The following PCDHGA4 variants were observed in gnomAD, a reference collection of about 807,000 sequenced individuals.
The protein encoded by PCDHGA4 is protocadherin gamma subfamily A, 4, also known as protocadherin gamma-A4.
A neutral mutation model predicts 54.6 loss-of-function variants in PCDHGA4; 38 were observed. That is an observed-to-expected ratio of 0.70 (90% CI 0.54 to 0.91). The LOEUF (loss-of-function observed/expected upper bound fraction) is 0.91. PCDHGA4 is among the 40% of genes least tolerant of loss of function. The pLI, the probability that PCDHGA4 is intolerant of heterozygous loss-of-function variation, is 0.00. For missense variants in PCDHGA4, 1,298 were observed against 1,220.9 expected (o/e 1.06, Z -0.94); for synonymous variants, 511 against 512.9 (o/e 1.00, Z 0.05).
intron 1 of PCDHGA4, among the ~76,000 whole-genome samples, chr5:141,359,300 T>C (rs1221692939): frequency 6.6e-6 from 1 of 152,140 alleles, no homozygotes; most frequent in Non-Finnish European, 1.5e-5. Context: ...GTGTCAAGCA[T>C]ATTCAGGTGT....
chr5:141,394,929 G>C, intron 1 of PCDHGA4: 4 of 1,613,762 alleles, frequency 2.5e-6, no homozygotes, highest in Non-Finnish European at 3.4e-6. Flanking sequence ...TGTCTTCCTC[G>C]CCTTTGTCGC....
chr5:141,404,908 C>T, intron 1 of PCDHGA4: 1 of 1,613,882 alleles, frequency 6.2e-7, no homozygotes, highest in Non-Finnish European at 8.5e-7. Context: ...ATGGCCAGCC[C>T]CCTCTCTCGG....
Position 141,432,909 on chromosome 5 carries a change from G to A in PCDHGA4, c.2515-61898G>A, listed in dbSNP as rs773372764. On this transcript the variant is annotated intron_variant, in intron 1 of 3. Coordinates refer to ENST00000571252, the MANE Select transcript of PCDHGA4 (RefSeq NM_018917.4). The surrounding 1 kb of genome is among the most constrained non-coding windows in gnomAD (Gnocchi z 6.0). ...ATCTTGCTGCTGGCGCTCAGGCTGCGGCGCTGGCACAAGTCACGCCTGCTG... is the reference window on the plus strand; with the variant it reads ...ATCTTGCTGCTGGCGCTCAGGCTGCAGCGCTGGCACAAGTCACGCCTGCTG... 9 of 1,614,038 alleles carry A rather than the reference G, an allele frequency of 5.6e-6. No homozygotes were observed. The highest frequency in any genetic ancestry group is 4.5e-5 in the East Asian group (2 of 44,880).
chr5:141,421,473 C>T (rs907282414), intron 1 of PCDHGA4: 10 of 1,613,994 alleles, frequency 6.2e-6, no homozygotes, highest in Middle Eastern at 1.6e-4. Context: ...ATCCGCGAAG[C>T]GGCAGCTTGA....
intron 1 of PCDHGA4, among the ~76,000 whole-genome samples, chr5:141,483,767 T>C (rs2099586826): frequency 6.6e-6 from 1 of 151,840 alleles, no homozygotes; most frequent in Non-Finnish European, 1.5e-5. Flanking sequence ...CTTGGAAAAA[T>C]ATTGGGGAAG....
chr5:141,388,936 C>A, intron 1 of PCDHGA4: 4 of 1,613,926 alleles, frequency 2.5e-6, no homozygotes, highest in Non-Finnish European at 3.4e-6. Context: ...CAGTCTCTAC[C>A]CAACCTAATT....
chr5:141,419,571 G>C, intron 1 of PCDHGA4: 1 of 1,611,704 alleles, frequency 6.2e-7, no homozygotes. Context: ...GGTCCCGACG[G>C]CTCCGCGCTC....
At position 141,375,271 on chromosome 5, in the gene PCDHGA4, A is replaced by C. The variant is rs748119820; in HGVS notation, c.2514+17650A>C. 1.5e-5 allele frequency: 24 copies of C among 1,613,884 alleles called. No homozygotes were observed. The East Asian group carries it at 4.5e-4, about 30-fold the overall frequency. On this transcript the variant is annotated intron_variant, in intron 1 of 3. Coordinates refer to ENST00000571252, the MANE Select transcript of PCDHGA4 (RefSeq NM_018917.4). ...GAAGTCTCCCATTTGAATTGGAAAAATCAGTTGGCAATTATTATCGATTAG... is the reference window on the plus strand; with the variant it reads ...GAAGTCTCCCATTTGAATTGGAAAACTCAGTTGGCAATTATTATCGATTAG...
intron 1 of PCDHGA4, chr5:141,387,786 C>T: frequency 1.4e-6 from 2 of 1,473,828 alleles, no homozygotes; most frequent in Non-Finnish European, 1.8e-6. Flanking sequence ...ACTGGAACTG[C>T]AACTAAAGTC....
At chr5:141,467,273 G>T (rs879618653) in intron 1 of PCDHGA4, among the ~76,000 whole-genome samples, 1 of 151,828 alleles carries the variant, frequency 6.6e-6, no homozygotes, top group Admixed American at 6.6e-5. Context: ...GGCTGGTCTC[G>T]AACTCTTGAC....
At chr5:141,433,397 A>G (rs189987785) in intron 1 of PCDHGA4, among the ~76,000 whole-genome samples, 270 of 150,524 alleles carry the variant, frequency 1.8e-3, no homozygotes, top group Non-Finnish European at 3.1e-3. Context: ...CTATCTATCT[A>G]TCTATCTATT....
At chr5:141,423,510 TGCGGACTC>T in intron 1 of PCDHGA4, 1 of 1,613,792 alleles carries the variant, frequency 6.2e-7, no homozygotes, top group South Asian at 1.1e-5. Context: ...TCTCTCTCAT[TGCGGACTC>T]GCAGAAGAGT....
intron 1 of PCDHGA4, chr5:141,408,110 T>G: frequency 2.8e-6 from 4 of 1,445,204 alleles, no homozygotes; most frequent in Non-Finnish European, 2.7e-6. Context: ...GACCCGGGAC[T>G]CCTCCTGTCC....
Position 141,381,340 on chromosome 5 carries a change from T to C in PCDHGA4, c.2514+23719T>C, listed in dbSNP as rs1777123842. 2.0e-5 allele frequency among the ~76,000 whole-genome samples: 3 copies of C among 152,250 alleles called. No homozygotes were observed. The South Asian group carries it at 6.2e-4, about 31-fold the overall frequency. On this transcript the variant is annotated intron_variant, in intron 1 of 3. Transcript: ENST00000571252. ...CTGCAACTATGTGAAAGGAGCTTTC[T>C]TTTCTTTCTGCTAGCAGAGGGTAGC...
intron 1 of PCDHGA4, chr5:141,478,743 A>G: frequency 6.5e-7 from 1 of 1,528,732 alleles, no homozygotes; most frequent in Non-Finnish European, 8.8e-7. Context: ...TTGTGGTCCC[A>G]TTTCAGGGGG....
At chr5:141,503,607 A>G (rs141670522) in intron 2 of PCDHGA4, among the ~76,000 whole-genome samples, 63 of 151,996 alleles carry the variant, frequency 4.1e-4, no homozygotes, top group African/African-American at 1.4e-3. Flanking sequence ...TCAAAAAAAA[A>G]AAAAAAAGAA....
In PCDHGA4 at chr5:141,454,796, A is replaced by ATTTTTT. The variant is rs61612330; in HGVS notation, c.2515-39987_2515-39982dup. Among the ~76,000 whole-genome samples the ATTTTTT allele has an allele frequency of 4.9e-3, 381 of 77,456 alleles. 41 individuals carry two copies. The highest frequency in any genetic ancestry group is 0.011 in the African/African-American group (178 of 16,882). 50.8% of individuals were successfully genotyped at this position (77,456 alleles called of 152,430 possible). ...AAGGAAATAATCCTCCATGGTTCTA[A>ATTTTTT]TTTTTTTTTTTTTTTTTTTTTTTTT... On this transcript the variant is annotated intron_variant, in intron 1 of 3. Coordinates refer to ENST00000571252, the MANE Select transcript of PCDHGA4 (RefSeq NM_018917.4).
intron 1 of PCDHGA4, chr5:141,414,584 C>G (rs1359132446): frequency 3.1e-6 from 5 of 1,613,956 alleles, no homozygotes; most frequent in Non-Finnish European, 4.2e-6. Context: ...GAGAACAACG[C>G]CAGGGGTGCC....
At chr5:141,473,750 G>A (rs777343462) in intron 1 of PCDHGA4, among the ~76,000 whole-genome samples, 3 of 152,192 alleles carry the variant, frequency 2.0e-5, no homozygotes, top group Non-Finnish European at 4.4e-5. Context: ...TGAGAACTTG[G>A]ATACTATGCA....
Sources: gnomAD v4.1 joint callset for allele counts (sites outside exome capture counted in the v4.1 genomes callset) on GRCh38, gnomAD v4.1.1 for gene constraint, Gnocchi (gnomAD v3.1) non-coding constraint, MANE v1.5 for transcripts, NCBI Gene and HGNC (gene_info 2026-07-23, HGNC 2026-07-21) for gene names.